DPP10: variants seen among roughly 807,000 people sequenced by gnomAD.
DPP10 encodes inactive dipeptidyl peptidase 10.
A neutral mutation model predicts 120.9 loss-of-function variants in DPP10; 33 were observed. That is an observed-to-expected ratio of 0.27 (90% confidence interval 0.21 to 0.37). The LOEUF is 0.37. Ranked by LOEUF, DPP10 falls within the 10% of genes least tolerant of loss-of-function variation. The probability of loss-of-function intolerance (pLI) is 1.00; values close to 1 mark genes in which losing one functional copy is unlikely to be tolerated. For missense variants in DPP10, 816 were observed against 942.8 expected, an observed-to-expected ratio of 0.87 and a Z score of 1.76; for synonymous variants, 337 against 326.1, an observed-to-expected ratio of 1.03 and a Z score of -0.36.
chr2:114,582,947 T>TGATGGC (rs1011203287), intron 1 of DPP10, among the ~76,000 whole-genome samples: 10 of 152,196 alleles, frequency 6.6e-5, no homozygotes, highest in Admixed American at 2.0e-4. Context: ...GGAGGGATGG[T>TGATGGC]GATGGCATAC....
chr2:115,711,308 G>GT (rs2092306672), intron 7 of DPP10, among the ~76,000 whole-genome samples: 1 of 152,112 alleles, frequency 6.6e-6, no homozygotes, highest in African/African-American at 2.4e-5. Flanking sequence ...GGACAATTTG[G>GT]TAAGTACTGT....
At chr2:115,679,231 G>C (rs180678157) in intron 5 of DPP10, among the ~76,000 whole-genome samples, 45 of 152,150 alleles carry the variant, frequency 3.0e-4, no homozygotes, top group African/African-American at 1.1e-3. Flanking sequence ...TGATTTGGCT[G>C]TGTCCCCCAC....
At chr2:115,170,479 G>T (rs888772340) in intron 1 of DPP10, among the ~76,000 whole-genome samples, 1 of 152,108 alleles carries the variant, frequency 6.6e-6, no homozygotes, top group African/African-American at 2.4e-5. Flanking sequence ...TAGGTCATTT[G>T]TCTGGCAAAA....
chr2:114,557,614 T>G (rs975259680), intron 1 of DPP10, among the ~76,000 whole-genome samples: 6 of 152,290 alleles, frequency 3.9e-5, no homozygotes, highest in African/African-American at 1.4e-4. Context: ...CATGTGCTTT[T>G]GCCTGGGAAG....
At chr2:115,782,268 G>A in intron 16 of DPP10, 84 bp from the exon 17 acceptor site, 1 of 1,203,150 alleles carries the variant, frequency 8.3e-7, no homozygotes, top group Non-Finnish European at 1.2e-6. Flanking sequence ...TCCATTTGGG[G>A]GGAAAAAACT....
At position 114,442,758 on chromosome 2, in the gene DPP10, C is replaced by T. The variant is rs140156848; in HGVS notation, c.-21C>T. On this transcript the variant is annotated 5_prime_UTR_variant, in exon 1 of 26. Coordinates refer to ENST00000410059, the MANE Select transcript of DPP10 (RefSeq NM_020868.6). The stretch of plus-strand genomic sequence containing the variant: ...TTCTGGAACTCCGCCTGGGATTGTG[C>T]ACTGTCCAGGGTCCTGAAACATGAA... The T allele has an allele frequency of 1.1e-4, 178 of 1,612,914 alleles. No individual in the cohort carries two copies. Among genetic ancestry groups the T allele is most frequent in the Non-Finnish European group, 1.5e-4 (171 of 1,179,276 alleles).
rs372309836 is a variant in DPP10, at chr2:115,550,315, G to A, written c.441+24343G>A. ...GTATCATCCAATGGCTAATGTAGCT[G>A]AGTTTTTTTTGTCAAGTTAGAAATT... On this transcript the variant is annotated intron_variant, in intron 5 of 25. Coordinates refer to ENST00000410059, the MANE Select transcript of DPP10 (RefSeq NM_020868.6). Among the ~76,000 whole-genome samples the A allele has an allele frequency of 9.9e-5, 15 of 152,244 alleles. 1 individual carries two copies. In the East Asian group the frequency reaches 1.4e-3, roughly 14 times the overall value.
intron 1 of DPP10, among the ~76,000 whole-genome samples, chr2:114,502,325 T>C (rs1253676251): frequency 6.6e-6 from 1 of 152,166 alleles, no homozygotes; most frequent in Non-Finnish European, 1.5e-5. Context: ...GTACTCAACA[T>C]AGTTCCATTA....
intron 1 of DPP10, among the ~76,000 whole-genome samples, chr2:114,857,987 G>C (rs1689500375): frequency 6.6e-6 from 1 of 151,930 alleles, no homozygotes; most frequent in Admixed American, 6.6e-5. Flanking sequence ...TTGTTTGTTT[G>C]CTTTTTGTTT....
chr2:114,823,764 C>T (rs1187076280), intron 1 of DPP10, among the ~76,000 whole-genome samples: 1 of 152,132 alleles, frequency 6.6e-6, no homozygotes, highest in Non-Finnish European at 1.5e-5. Flanking sequence ...CCAGTAGGAG[C>T]TACTTCCAAA....
intron 1 of DPP10, among the ~76,000 whole-genome samples, chr2:114,726,987 CA>C (rs1158474148): frequency 6.6e-6 from 1 of 152,210 alleles, no homozygotes; most frequent in Non-Finnish European, 1.5e-5. Context: ...GGAAGATGCA[CA>C]TGGCTTTCTA....
intron 7 of DPP10, among the ~76,000 whole-genome samples, chr2:115,724,051 T>C (rs2092710409): frequency 6.6e-6 from 1 of 152,244 alleles, no homozygotes; most frequent in South Asian, 2.1e-4. Flanking sequence ...ATCTTTTATT[T>C]TGTGTTTTTA....
chr2:114,470,524 CT>C (rs1227523868), intron 1 of DPP10, among the ~76,000 whole-genome samples: 2 of 152,146 alleles, frequency 1.3e-5, no homozygotes, highest in Non-Finnish European at 2.9e-5. Flanking sequence ...AATTTCCTGG[CT>C]ACAGGGATAT....
At position 114,810,170 on chromosome 2, in the gene DPP10, C is replaced by G. The variant is rs774687353; in HGVS notation, c.60+367332C>G. 1.2e-3 allele frequency among the ~76,000 whole-genome samples: 186 copies of G among 152,110 alleles called. 4 individuals carry two copies. Among genetic ancestry groups the G allele is most frequent in the Admixed American group, 3.3e-4 (5 of 15,262 alleles). ...TACCAAGACTTAAATATTTTTCCACCGTTTTACTTCTCGATCTGAACTCTT... is the reference window on the plus strand; with the variant it reads ...TACCAAGACTTAAATATTTTTCCACGGTTTTACTTCTCGATCTGAACTCTT... On this transcript the variant is annotated intron_variant, in intron 1 of 25. Coordinates refer to ENST00000410059, the MANE Select transcript of DPP10 (RefSeq NM_020868.6).
At chr2:115,059,266 AATAAATCACGCAAGTT>A (rs1706194275) in intron 1 of DPP10, among the ~76,000 whole-genome samples, 3 of 152,198 alleles carry the variant, frequency 2.0e-5, no homozygotes, top group African/African-American at 2.4e-5. Context: ...ATATTTTCTT[AATAAATCACGCAAGTT>A]TTAAAGAGTC....
chr2:115,695,229 A>G (rs912877977), intron 7 of DPP10, among the ~76,000 whole-genome samples: 2 of 152,220 alleles, frequency 1.3e-5, no homozygotes, highest in African/African-American at 4.8e-5. Context: ...GACTTTTTTC[A>G]CATAAGGCTG....
At chr2:115,254,166 C>T (rs1358084868) in intron 1 of DPP10, among the ~76,000 whole-genome samples, 2 of 152,212 alleles carry the variant, frequency 1.3e-5, no homozygotes, top group Non-Finnish European at 2.9e-5. Context: ...TTAATTGACT[C>T]ACAGTACAGA....
At chr2:114,692,362 G>T (rs1699811988) in intron 1 of DPP10, among the ~76,000 whole-genome samples, 1 of 152,048 alleles carries the variant, frequency 6.6e-6, no homozygotes, top group Admixed American at 6.6e-5. Flanking sequence ...TTCAGGAGCA[G>T]GTTGTTCAAT....
At chr2:115,769,078 G>A (rs144395336) in intron 13 of DPP10, among the ~76,000 whole-genome samples, 87 of 151,928 alleles carry the variant, frequency 5.7e-4, no homozygotes, top group African/African-American at 2.0e-3. Flanking sequence ...ATTTGACAAG[G>A]TTATTGAGTC....
Sources: allele counts gnomAD v4.1 joint callset (sites outside exome capture counted in the v4.1 genomes callset), GRCh38; gene constraint gnomAD v4.1.1; transcripts MANE v1.5; gene names NCBI Gene and HGNC (gene_info 2026-07-23, HGNC 2026-07-21).